NIPA1: variants seen among roughly 807,000 people sequenced by gnomAD.
NIPA1 encodes NIPA magnesium transporter 1, also known as magnesium transporter NIPA1.
Under a neutral mutation model 23.9 loss-of-function variants are expected in NIPA1, and 13 were observed. The ratio of observed to expected loss-of-function variants is 0.54; its 90% confidence interval spans 0.35 to 0.87. NIPA1 has a LOEUF of 0.87. Ranked by LOEUF, NIPA1 falls within the 40% of genes least tolerant of loss-of-function variation. The pLI is 0.01. For synonymous variants in NIPA1, 234 were observed against 202.9 expected (o/e 1.15, Z -1.30); for missense variants, 362 against 429.7 (o/e 0.84, Z 1.39).
chr15:22,793,262 T>C (rs1026773347), intron 1 of NIPA1, among the ~76,000 whole-genome samples: 2 of 145,972 alleles, frequency 1.4e-5, no homozygotes, highest in African/African-American at 5.1e-5. Flanking sequence ...GGCATGAAAA[T>C]TGCCTGAACC....
chr15:22,797,043 C>CTTTTTT (rs61661682), intron 1 of NIPA1, among the ~76,000 whole-genome samples: 1 of 140,198 alleles, frequency 7.1e-6, no homozygotes, highest in African/African-American at 2.6e-5. Flanking sequence ...ATTGAGGTTT[C>CTTTTTT]TTTTTTTTTT....
chr15:22,817,073 G>C lies in NIPA1; in HGVS notation c.318-3240G>C, dbSNP rs555244547. 2.7e-5 allele frequency among the ~76,000 whole-genome samples: 4 copies of C among 150,288 alleles called. No homozygotes were observed. In the South Asian group the frequency reaches 6.3e-4, roughly 24 times the overall value. On this transcript the variant is annotated intron_variant, in intron 3 of 4. Coordinates refer to ENST00000337435, the MANE Select transcript of NIPA1 (RefSeq NM_144599.5). Reference sequence around the variant, plus strand: ...GTGGTGGCACATGCCTGTAGTCCCAGCTACTCAGGAGGCTGAGGCAGGAGA... The same window carrying C: ...GTGGTGGCACATGCCTGTAGTCCCACCTACTCAGGAGGCTGAGGCAGGAGA...
At chr15:22,803,180 C>T (rs1895122444) in intron 1 of NIPA1, among the ~76,000 whole-genome samples, 1 of 151,986 alleles carries the variant, frequency 6.6e-6, no homozygotes, top group Non-Finnish European at 1.5e-5. Flanking sequence ...TGGTCTCAAA[C>T]TCCTGACCGC....
chr15:22,822,713 G>T (rs985000165), intron 4 of NIPA1, among the ~76,000 whole-genome samples: 1 of 151,892 alleles, frequency 6.6e-6, no homozygotes, highest in African/African-American at 2.4e-5. Context: ...TGTATTCCCA[G>T]CTACTCAGGA....
At chr15:22,813,676 G>A in intron 3 of NIPA1, 1 of 455,976 alleles carries the variant, frequency 2.2e-6, no homozygotes, top group Non-Finnish European at 4.4e-6. Flanking sequence ...CATGATGGGT[G>A]TATTGAAGTT....
intron 1 of NIPA1, among the ~76,000 whole-genome samples, chr15:22,797,085 G>GC (rs1008565572): frequency 2.0e-5 from 3 of 151,474 alleles, no homozygotes; most frequent in Admixed American, 2.0e-4. Context: ...TGTCACCCAG[G>GC]CTGGAGTGCA....
At position 22,824,413 on chromosome 15, in the gene NIPA1, C is replaced by G. The variant is rs1328185473; in HGVS notation, c.*174C>G. 4.7e-6 allele frequency: 3 copies of G among 639,364 alleles called. No individual in the cohort carries two copies. Among genetic ancestry groups the G allele is most frequent in the Non-Finnish European group, 8.4e-6 (3 of 357,138 alleles). 39.6% of individuals were successfully genotyped at this position (639,364 alleles called of 1,614,324 possible). A position where few individuals can be genotyped will look rare whatever the true frequency, so the allele number is the denominator to read the frequency against. On this transcript the variant is annotated 3_prime_UTR_variant, in exon 5 of 5. Transcript: ENST00000337435. The surrounding 1 kb of genome is among the most constrained non-coding windows in gnomAD (Gnocchi z 4.1). ...CTCAGCACCAGAGCAGAGGCCCAGC[C>G]AGCCCTCTGCAGCCCAAACGTCCCC... is the stretch of plus-strand genomic sequence containing the variant.
chr15:22,816,486 C>CT (rs71117480), intron 3 of NIPA1, among the ~76,000 whole-genome samples: 3,471 of 41,586 alleles, frequency 0.083, 702 homozygotes, highest in Non-Finnish European at 0.11. Flanking sequence ...CGCACCCAGC[C>CT]TTTTTTTTTT....
chr15:22,804,875 C>T (rs925496210), intron 1 of NIPA1, among the ~76,000 whole-genome samples: 5 of 151,890 alleles, frequency 3.3e-5, no homozygotes, highest in African/African-American at 1.2e-4. Flanking sequence ...TCCGCTCTGT[C>T]GCCCAGGCTG....
intron 1 of NIPA1, among the ~76,000 whole-genome samples, chr15:22,803,926 G>A (rs1463455444): frequency 1.3e-5 from 2 of 151,186 alleles, no homozygotes; most frequent in African/African-American, 2.4e-5. Flanking sequence ...TGATCTGCCC[G>A]CCTCGGCCTC....
intron 1 of NIPA1, among the ~76,000 whole-genome samples, chr15:22,799,190 A>G (rs954756190): frequency 1.3e-5 from 2 of 152,192 alleles, no homozygotes; most frequent in African/African-American, 4.8e-5. Flanking sequence ...GTGTTCACCG[A>G]CAGTTGACCA....
At chr15:22,817,495 G>T in intron 3 of NIPA1, among the ~76,000 whole-genome samples, 1 of 76,830 alleles carries the variant, frequency 1.3e-5, no homozygotes, top group Non-Finnish European at 2.6e-5. Flanking sequence ...GCGAAACTCC[G>T]TCTCAAAAAA....
chr15:22,797,660 C>T (rs576710960), intron 1 of NIPA1, among the ~76,000 whole-genome samples: 6 of 152,002 alleles, frequency 3.9e-5, no homozygotes, highest in Admixed American at 6.6e-5. Context: ...TGCGCCACCA[C>T]GCCTGGCTAA....
At chr15:22,806,556 G>GATATC (rs1895217253) in intron 1 of NIPA1, among the ~76,000 whole-genome samples, 1 of 80,196 alleles carries the variant, frequency 1.2e-5, no homozygotes, top group Non-Finnish European at 2.0e-5. Context: ...CCCTGTTGTT[G>GATATC]CTGAGGCCGG....
intron 3 of NIPA1, among the ~76,000 whole-genome samples, chr15:22,815,947 C>T (rs935016478): frequency 6.6e-6 from 1 of 152,040 alleles, no homozygotes; most frequent in African/African-American, 2.4e-5. Flanking sequence ...ACTTCCTAAA[C>T]TGACAAAGGG....
chr15:22,800,013 AG>A (rs999992703), intron 1 of NIPA1, among the ~76,000 whole-genome samples: 5 of 147,226 alleles, frequency 3.4e-5, no homozygotes, highest in Non-Finnish European at 7.5e-5. Flanking sequence ...GGACTGCTAG[AG>A]GGGAAGGGTA....
At chr15:22,814,784 C>T (rs765840116) in intron 3 of NIPA1, among the ~76,000 whole-genome samples, 3 of 152,138 alleles carry the variant, frequency 2.0e-5, no homozygotes, top group Non-Finnish European at 2.9e-5. Flanking sequence ...TTAAGTATAA[C>T]CAAAGCAATG....
rs2140881300 is a variant in NIPA1, at chr15:22,828,681, C to A, written c.*4442C>A. The A allele has an allele frequency of 6.5e-6, 1 of 152,696 alleles. No individual in the cohort carries two copies. Among genetic ancestry groups the A allele is most frequent in the Admixed American group, 6.5e-5 (1 of 15,300 alleles). 9.5% of individuals were successfully genotyped at this position (152,696 alleles called of 1,614,324 possible). On this transcript the variant is annotated 3_prime_UTR_variant, in exon 5 of 5. Coordinates refer to ENST00000337435, the MANE Select transcript of NIPA1 (RefSeq NM_144599.5). ...GGATCATGTAAATAAACATCTATTTCACATGTACCCAAAAGCATTTAAAAA... is the reference window on the plus strand; with the variant it reads ...GGATCATGTAAATAAACATCTATTTAACATGTACCCAAAAGCATTTAAAAA...
Position 22,828,631 on chromosome 15 carries a change from A to G in NIPA1, c.*4392A>G, listed in dbSNP as rs2140881262. 1 of 152,764 alleles carries G rather than the reference A, an allele frequency of 6.5e-6. No individual in the cohort carries two copies. Among genetic ancestry groups the G allele is most frequent in the Admixed American group, 6.5e-5 (1 of 15,300 alleles). The allele number at this position is 152,764 out of a possible 1,614,324, so 9.5% of individuals were successfully genotyped here. ...GTTACATCAAAATATGTTGTCTAGT[A>G]AAAAGTTGATATTCAGTAGAACAAG... On this transcript the variant is annotated 3_prime_UTR_variant, in exon 5 of 5. Transcript: ENST00000337435.
Sources: gnomAD v4.1 joint callset for allele counts (sites outside exome capture counted in the v4.1 genomes callset) on GRCh38, gnomAD v4.1.1 for gene constraint, Gnocchi (gnomAD v3.1) non-coding constraint, MANE v1.5 for transcripts, NCBI Gene and HGNC (gene_info 2026-07-23, HGNC 2026-07-21) for gene names.